CNTNAP5: variants seen among roughly 807,000 people sequenced by gnomAD.
CNTNAP5 encodes contactin associated protein family member 5.
In CNTNAP5, 72 loss-of-function variants were observed where a neutral mutation model predicts 150.2. The ratio of observed to expected loss-of-function variants is 0.48; its 90% CI spans 0.40 to 0.58. The LOEUF (loss-of-function observed/expected upper bound fraction) is 0.58, where lower values mean the gene tolerates loss of function less well. CNTNAP5 is among the 20% of genes least tolerant of loss of function. CNTNAP5 has a pLI of 0.00. For missense variants in CNTNAP5, 1,636 were observed against 1,626.2 expected (o/e 1.01, Z -0.10); for synonymous variants, 672 against 619.8 (o/e 1.08, Z -1.25).
chr2:124,295,991 T>C (rs1404546185), intron 3 of CNTNAP5, among the ~76,000 whole-genome samples: 2 of 152,240 alleles, frequency 1.3e-5, no homozygotes, highest in African/African-American at 4.8e-5. Context: ...CAGTATATTA[T>C]GTTTGCATAT....
chr2:124,095,238 A>G (rs942434914), intron 1 of CNTNAP5, among the ~76,000 whole-genome samples: 1 of 152,168 alleles, frequency 6.6e-6, no homozygotes. Context: ...GCAAACTAAC[A>G]CATGAACAGA....
intron 3 of CNTNAP5, among the ~76,000 whole-genome samples, chr2:124,344,866 A>G (rs1365777124): frequency 6.6e-6 from 1 of 152,194 alleles, no homozygotes. Context: ...GCAAACTGGC[A>G]TGACTGTTGG....
chr2:124,166,998 T>C (rs764597884), intron 1 of CNTNAP5, among the ~76,000 whole-genome samples: 10 of 152,178 alleles, frequency 6.6e-5, no homozygotes, highest in Non-Finnish European at 1.3e-4. Context: ...TTAACTCTTG[T>C]ATATATGAAT....
At chr2:124,142,324 C>G (rs1393805322) in intron 1 of CNTNAP5, among the ~76,000 whole-genome samples, 1 of 144,552 alleles carries the variant, frequency 6.9e-6, no homozygotes, top group African/African-American at 2.6e-5. Context: ...CACCCCAAAT[C>G]AACAGAATAT....
intron 8 of CNTNAP5, among the ~76,000 whole-genome samples, chr2:124,520,535 T>C (rs1273696843): frequency 6.6e-6 from 1 of 152,166 alleles, no homozygotes; most frequent in Admixed American, 6.5e-5. Context: ...ATAATCAGTT[T>C]TTATCCTTTA....
intron 7 of CNTNAP5, among the ~76,000 whole-genome samples, chr2:124,491,114 A>T (rs1357276931): frequency 1.3e-5 from 2 of 152,184 alleles, no homozygotes; most frequent in African/African-American, 4.8e-5. Context: ...CAATCAAGTT[A>T]ATCAACACAA....
chr2:124,396,190 A>G (rs1335320191), intron 3 of CNTNAP5, among the ~76,000 whole-genome samples: 1 of 152,244 alleles, frequency 6.6e-6, no homozygotes, highest in African/African-American at 2.4e-5. Flanking sequence ...AACATTGTCA[A>G]CAATGAGATC....
chr2:124,675,891 G>T (rs1470156730), intron 13 of CNTNAP5, among the ~76,000 whole-genome samples: 2 of 151,410 alleles, frequency 1.3e-5, no homozygotes, highest in African/African-American at 4.9e-5. Flanking sequence ...GTTGACTTTT[G>T]TTCTGTGTAT....
chr2:124,667,057 G>A (rs1052681649), intron 13 of CNTNAP5, among the ~76,000 whole-genome samples: 1 of 152,222 alleles, frequency 6.6e-6, no homozygotes, highest in African/African-American at 2.4e-5. Flanking sequence ...GGCAGTTAGA[G>A]ATGGGTAGAA....
At chr2:124,651,227 G>A (rs1678315570) in intron 13 of CNTNAP5, among the ~76,000 whole-genome samples, 1 of 152,146 alleles carries the variant, frequency 6.6e-6, no homozygotes, top group South Asian at 2.1e-4. Flanking sequence ...TAGTAGCCAG[G>A]GTGAGTAGAC....
chr2:124,440,968 G>A (rs1376993932), intron 5 of CNTNAP5, among the ~76,000 whole-genome samples: 1 of 152,006 alleles, frequency 6.6e-6, no homozygotes, highest in Non-Finnish European at 1.5e-5. Context: ...TGAGAATTAA[G>A]TGTTTTGTGA....
chr2:124,591,267 G>T (rs988059191), intron 11 of CNTNAP5, among the ~76,000 whole-genome samples: 2 of 152,142 alleles, frequency 1.3e-5, no homozygotes, highest in Non-Finnish European at 2.9e-5. Context: ...AACAGAAAAT[G>T]TGATGATTTC....
chr2:124,710,166 G>C (rs13020969), intron 13 of CNTNAP5, among the ~76,000 whole-genome samples: 24,698 of 152,026 alleles, frequency 0.16, 2,275 homozygotes, highest in East Asian at 0.24. Context: ...TACAGGAGCA[G>C]CTGGTTAGTG....
intron 1 of CNTNAP5, among the ~76,000 whole-genome samples, chr2:124,210,167 A>G (rs1265015137): frequency 6.6e-6 from 1 of 152,150 alleles, no homozygotes; most frequent in Non-Finnish European, 1.5e-5. Flanking sequence ...GTAATTAAAA[A>G]CCATCACCTT....
chr2:124,119,992 A>G (rs1284585064), intron 1 of CNTNAP5, among the ~76,000 whole-genome samples: 2 of 152,124 alleles, frequency 1.3e-5, no homozygotes, highest in African/African-American at 2.4e-5. Flanking sequence ...TCCACCTCAG[A>G]GTATCTGATT....
chr2:124,533,367 T>G (rs923947489), intron 10 of CNTNAP5, among the ~76,000 whole-genome samples: 1 of 152,142 alleles, frequency 6.6e-6, no homozygotes, highest in Non-Finnish European at 1.5e-5. Context: ...CACAAATTAC[T>G]GGGGGTGGAG....
At chr2:124,268,914 G>A (rs147751628) in intron 3 of CNTNAP5, among the ~76,000 whole-genome samples, 2 of 152,158 alleles carry the variant, frequency 1.3e-5, no homozygotes, top group African/African-American at 4.8e-5. Flanking sequence ...AGGGTTGGGT[G>A]GAAAGGCAGG....
At chr2:124,343,195 T>G (rs555694144) in intron 3 of CNTNAP5, among the ~76,000 whole-genome samples, 21 of 152,310 alleles carry the variant, frequency 1.4e-4, no homozygotes, top group Admixed American at 9.8e-4. Context: ...TTCTGCAGTG[T>G]TTATACAATA....
rs1368496331 is a variant in CNTNAP5 at position 124,204,459 on chromosome 2, C to CCCAG, written c.83-17246_83-17245insCCAG. On this transcript the variant is annotated intron_variant, in intron 1 of 23. Coordinates refer to ENST00000682447, the MANE Select transcript of CNTNAP5 (RefSeq NM_001367498.1). ...TGCCAGTTACCCAGTTCCACAGTTG[C>CCCAG]TTTCACATCATTCTGGGGTATCTTT... Among the ~76,000 whole-genome samples, 3 of 152,340 alleles carry CCCAG rather than the reference C, an allele frequency of 2.0e-5. No individual in the cohort carries two copies. In the East Asian group the frequency reaches 5.8e-4, roughly 29 times the overall value.
Sources: allele counts gnomAD v4.1 joint callset (sites outside exome capture counted in the v4.1 genomes callset), GRCh38; gene constraint gnomAD v4.1.1; transcripts MANE v1.5; gene names NCBI Gene and HGNC (gene_info 2026-07-23, HGNC 2026-07-21).